Variants in PCDH10 observed in about 807,000 individuals in gnomAD.
PCDH10 encodes protocadherin 10.
PCDH10 carries 15 observed loss-of-function variants against 74.4 expected under a neutral mutation model. The observed-to-expected ratio is 0.20, with a 90% CI of 0.13 to 0.31. The LOEUF is 0.31. Among genes scored for constraint, PCDH10 ranks in the 10% least tolerant of loss-of-function variants. The pLI is 1.00. For missense variants in PCDH10, 1,260 were observed against 1,390.2 expected, an observed-to-expected ratio of 0.91 and a Z score of 1.49; for synonymous variants, 619 against 589.8, an observed-to-expected ratio of 1.05 and a Z score of -0.72.
chr4:133,150,462 G>A lies in PCDH10; in HGVS notation c.322G>A (p.Val108Met). Residue 108 changes from valine (V) to methionine (M), a missense_variant, in exon 1 of 5, where the codon GTG becomes ATG. This residue lies in a region of PCDH10 where 63 missense variants were observed against 100.7 expected (regional missense o/e 0.63). Transcript: ENST00000264360. ...GGAGAACCCCCTGGAGCTGTTCCAGGTGGAGATCGAGGTGCTGGACATTAA... is the reference window on the plus strand; with the variant it reads ...GGAGAACCCCCTGGAGCTGTTCCAGATGGAGATCGAGGTGCTGGACATTAA... Reference protein sequence around the residue: ...FLENPLELFQVEIEVLDINDN... With the variant: ...FLENPLELFQMEIEVLDINDN... The A allele has an allele frequency of 6.2e-7, 1 of 1,613,966 alleles. No homozygotes were observed.
chr4:133,173,979 CTAT>C (rs1560711323), intron 4 of PCDH10, among the ~76,000 whole-genome samples: 1 of 151,772 alleles, frequency 6.6e-6, no homozygotes, highest in East Asian at 1.9e-4. Flanking sequence ...ACACATTAAG[CTAT>C]TATTATACAA....
At position 133,152,476 on chromosome 4, in the gene PCDH10, A is replaced by G. The variant is rs747501264; in HGVS notation, c.2336A>G (p.Lys779Arg). 1.9e-6 allele frequency: 3 copies of G among 1,614,132 alleles called. No homozygotes were observed. The highest frequency in any genetic ancestry group is 2.2e-5 in the South Asian group (2 of 91,078). ...TGTGGCCGCCAAGCCCGGGCGCGCA[A>G]GAAGAAACTCAGCAAGTCAGACATC... The part of the protein sequence containing the change: ...TCCGRQARAR[K>R]KKLSKSDIML... Residue 779 changes from lysine to arginine, a missense_variant, in exon 1 of 5, where the codon AAG becomes AGG. By Grantham distance (26) the Lys-to-Arg change is conservative. This residue lies in a region of PCDH10 where 587 missense variants were observed against 616.9 expected (regional missense o/e 0.95). Transcript: ENST00000264360.
chr4:133,201,636 C>G (rs1022286698), intron 2 of PCDH10, among the ~76,000 whole-genome samples: 1 of 151,950 alleles, frequency 6.6e-6, no homozygotes, highest in Admixed American at 6.6e-5. Context: ...GTGGGCAGAT[C>G]AACTGAGGTC....
chr4:133,150,800 G>T lies in PCDH10; in HGVS notation c.660G>T (p.Gly220=), dbSNP rs762772902. The T allele has an allele frequency of 6.3e-7, 1 of 1,581,950 alleles. No individual in the cohort carries two copies. Among genetic ancestry groups the T allele is most frequent in the South Asian group, 1.2e-5 (1 of 86,700 alleles). The part of the protein sequence containing the change: ...GGVGEGGGGG[G]GAGLPPQQQR... Reference sequence around the variant, plus strand: ...TAGGAGAAGGAGGGGGAGGTGGCGGGGGAGCAGGCCTGCCCCCCCAGCAGC... The same window carrying T: ...TAGGAGAAGGAGGGGGAGGTGGCGGTGGAGCAGGCCTGCCCCCCCAGCAGC... The change falls in exon 1 of 5, where the codon GGG becomes GGT. Residue 220 remains glycine (G), a synonymous_variant. Transcript: ENST00000264360.
chr4:133,153,141 C>CT, intron 1 of PCDH10: 1 of 1,208,750 alleles, frequency 8.3e-7, no homozygotes, highest in South Asian at 3.0e-5. Flanking sequence ...TGGCAAAGGT[C>CT]TTTTTTCTTT....
chr4:133,167,970 T>G (rs58815518), intron 4 of PCDH10, among the ~76,000 whole-genome samples: 1 of 151,448 alleles, frequency 6.6e-6, no homozygotes, highest in African/African-American at 2.4e-5. Context: ...TGAATTTTAT[T>G]ATATTTTATG....
At chr4:133,201,365 T>TA (rs1324539247) in intron 2 of PCDH10, among the ~76,000 whole-genome samples, 1 of 152,070 alleles carries the variant, frequency 6.6e-6, no homozygotes, top group African/African-American at 2.4e-5. Flanking sequence ...TAACAGTGTA[T>TA]AGATGGATGA....
chr4:133,169,083 A>C (rs1727147908), intron 4 of PCDH10, among the ~76,000 whole-genome samples: 1 of 151,588 alleles, frequency 6.6e-6, no homozygotes, highest in Non-Finnish European at 1.5e-5. Context: ...GGCAGAGTTA[A>C]ATTGTTTCAT....
chr4:133,185,167 C>T (rs1727516507), intron 4 of PCDH10, among the ~76,000 whole-genome samples: 2 of 147,466 alleles, frequency 1.4e-5, no homozygotes, highest in African/African-American at 4.9e-5. Flanking sequence ...TATATATTTA[C>T]ACATATAAAT....
intron 1 of PCDH10, 77 bp from the exon 2 acceptor site, chr4:133,154,230 G>T: frequency 2.3e-6 from 2 of 868,478 alleles, no homozygotes; most frequent in Non-Finnish European, 3.8e-6. Flanking sequence ...GCTAGATATA[G>T]TTCCTAACCT....
chr4:133,196,541 G>A (rs1477371858), downstream of PCDH10, among the ~76,000 whole-genome samples: 1 of 152,150 alleles, frequency 6.6e-6, no homozygotes, highest in Non-Finnish European at 1.5e-5. Flanking sequence ...ATTCAGAAAA[G>A]GTCAGAATCT....
At position 133,178,000 on chromosome 4, in the gene PCDH10, A is replaced by T. The variant is rs1727330609; in HGVS notation, c.3104-12141A>T. 2.0e-5 allele frequency among the ~76,000 whole-genome samples: 3 copies of T among 152,296 alleles called. No individual in the cohort carries two copies. In the South Asian group the frequency reaches 6.2e-4, roughly 32 times the overall value. ...TAGAGACCAAGGGCATTCTAGGAGC[A>T]GGAAAGTGCATGAACCAAAATGCAG... On this transcript the variant is annotated intron_variant, in intron 4 of 4. Transcript: ENST00000264360.
chr4:133,203,383 A>G (rs936316621), intron 2 of PCDH10, among the ~76,000 whole-genome samples: 1 of 152,118 alleles, frequency 6.6e-6, no homozygotes, highest in Admixed American at 6.6e-5. Flanking sequence ...AAAGCCTCAA[A>G]TAATTATCAT....
intron 2 of PCDH10, among the ~76,000 whole-genome samples, chr4:133,206,753 C>T (rs1414118401): frequency 1.3e-5 from 2 of 152,034 alleles, no homozygotes; most frequent in African/African-American, 4.8e-5. Context: ...ATTGACCTCT[C>T]CCCTCTCTGT....
intron 3 of PCDH10, among the ~76,000 whole-genome samples, chr4:133,160,342 A>G (rs1030804054): frequency 4.5e-4 from 69 of 151,898 alleles, no homozygotes; most frequent in African/African-American, 1.6e-3. Context: ...AACATTATTT[A>G]CATGTTTATT....
In PCDH10 at chr4:133,156,287, C is replaced by T. The variant is rs147748328; in HGVS notation, c.2797+1264C>T. 1.3e-3 allele frequency among the ~76,000 whole-genome samples: 195 copies of T among 152,290 alleles called. 1 individual carries two copies. Among genetic ancestry groups the T allele is most frequent in the African/African-American group, 4.5e-3 (185 of 41,566 alleles). ...CTGTGGCTGCCTTAGCCTTGGGAAA[C>T]CCAGGCAGGAGGAAGGGAAAAAAGG... On this transcript the variant is annotated intron_variant, in intron 3 of 4. Coordinates refer to ENST00000264360, the MANE Select transcript of PCDH10 (RefSeq NM_032961.3).
chr4:133,178,365 T>C (rs960947296), intron 4 of PCDH10, among the ~76,000 whole-genome samples: 1 of 152,000 alleles, frequency 6.6e-6, no homozygotes, highest in Non-Finnish European at 1.5e-5. Context: ...GCCTCCCTAG[T>C]AGCTGGGATT....
At chr4:133,185,203 T>C (rs2125871989) in intron 4 of PCDH10, among the ~76,000 whole-genome samples, 1 of 148,988 alleles carries the variant, frequency 6.7e-6, no homozygotes, top group African/African-American at 2.4e-5. Flanking sequence ...TATATTTAAA[T>C]TTAGAATTTA....
At chr4:133,188,830 T>C (rs13102403) in intron 4 of PCDH10, among the ~76,000 whole-genome samples, 75,498 of 151,426 alleles carry the variant, frequency 0.5, 19,078 homozygotes, top group Admixed American at 0.56. Flanking sequence ...CCCACCACCA[T>C]GCCAGGCTAA....
Sources: gnomAD v4.1 joint callset for allele counts (sites outside exome capture counted in the v4.1 genomes callset) on GRCh38, gnomAD v4.1.1 for gene constraint, gnomAD v4.1.1 regional missense constraint, MANE v1.5 for transcripts, NCBI Gene and HGNC (gene_info 2026-07-23, HGNC 2026-07-21) for gene names.